Variants in NELL1 observed in about 807,000 individuals in gnomAD.
NELL1 encodes the protein neural EGFL like 1, also known as protein kinase C-binding protein NELL1.
A neutral mutation model predicts 107.4 loss-of-function variants in NELL1; 76 were observed. That is an observed-to-expected ratio of 0.71 (90% CI 0.59 to 0.86). The LOEUF (loss-of-function observed/expected upper bound fraction) is 0.86, where lower values mean the gene tolerates loss of function less well. Among genes scored for constraint, NELL1 ranks in the 40% least tolerant of loss-of-function variants. NELL1 has a pLI of 0.00. For synonymous variants in NELL1, 353 were observed against 341.2 expected (o/e 1.03, Z -0.38); for missense variants, 1,024 against 1,005.5 (o/e 1.02, Z -0.25).
chr11:21,401,266 A>G (rs1564876642), intron 15 of NELL1, among the ~76,000 whole-genome samples: 1 of 151,846 alleles, frequency 6.6e-6, no homozygotes, highest in Non-Finnish European at 1.5e-5. Context: ...AAAAATATAT[A>G]TCTTGGTGAT....
chr11:21,100,601 A>C (rs1215228371), intron 12 of NELL1, among the ~76,000 whole-genome samples: 1 of 152,206 alleles, frequency 6.6e-6, no homozygotes, highest in African/African-American at 2.4e-5. Flanking sequence ...ATTTGTAGAC[A>C]TATACTCCAA....
chr11:21,001,410 G>C (rs1460068166), intron 12 of NELL1, among the ~76,000 whole-genome samples: 1 of 151,366 alleles, frequency 6.6e-6, no homozygotes, highest in East Asian at 2.0e-4. Context: ...CCAGAGCTAG[G>C]GGAAGACCGT....
chr11:20,939,999 C>T (rs1242952765), intron 10 of NELL1, among the ~76,000 whole-genome samples: 2 of 152,122 alleles, frequency 1.3e-5, no homozygotes, highest in African/African-American at 2.4e-5. Context: ...CACTTGGGTT[C>T]GCACATGCAA....
chr11:20,912,201 A>G (rs1850148033), intron 5 of NELL1, among the ~76,000 whole-genome samples: 1 of 152,132 alleles, frequency 6.6e-6, no homozygotes, highest in Admixed American at 6.6e-5. Context: ...GGATAGTGCA[A>G]AAAAAAGTGC....
chr11:21,549,794 A>G (rs1856531676), intron 16 of NELL1, among the ~76,000 whole-genome samples: 1 of 151,824 alleles, frequency 6.6e-6, no homozygotes, highest in Non-Finnish European at 1.5e-5. Flanking sequence ...GGTGGACACT[A>G]AAGTGTTAAG....
chr11:20,952,938 G>T (rs1003664666), intron 11 of NELL1, among the ~76,000 whole-genome samples: 3 of 152,068 alleles, frequency 2.0e-5, no homozygotes, highest in African/African-American at 7.2e-5. Context: ...GGCCTGTCCT[G>T]ATGGCCCTAC....
At chr11:20,945,680 G>A (rs1850947920) in intron 10 of NELL1, among the ~76,000 whole-genome samples, 1 of 152,194 alleles carries the variant, frequency 6.6e-6, no homozygotes, top group Non-Finnish European at 1.5e-5. Context: ...TGATAGTAAG[G>A]TTACTAACTT....
intron 12 of NELL1, among the ~76,000 whole-genome samples, chr11:21,070,696 C>T (rs1853990740): frequency 6.6e-6 from 1 of 152,084 alleles, no homozygotes; most frequent in Non-Finnish European, 1.5e-5. Context: ...CCATTCAGCA[C>T]AGTATTATTT....
chr11:20,669,707 G>A lies in NELL1; in HGVS notation c.-17G>A, dbSNP rs368814601. On this transcript the variant is annotated 5_prime_UTR_variant, in exon 1 of 20. Transcript: ENST00000357134. The surrounding 1 kb of genome is among the most constrained non-coding windows in gnomAD (Gnocchi z 4.4). ...CTAGCTTCGGTGCCCCCTGCTAGGC[G>A]GGGACCCTCGAGAGCGATGCCGATG... 3.1e-6 allele frequency: 5 copies of A among 1,612,180 alleles called. No individual in the cohort carries two copies. Among genetic ancestry groups the A allele is most frequent in the African/African-American group, 2.7e-5 (2 of 74,986 alleles).
At chr11:21,547,798 A>G (rs1000552631) in intron 16 of NELL1, among the ~76,000 whole-genome samples, 3 of 151,902 alleles carry the variant, frequency 2.0e-5, no homozygotes, top group Non-Finnish European at 2.9e-5. Flanking sequence ...TGAACCTTCA[A>G]GTTTGGTATG....
chr11:21,336,586 G>C (rs1294006122), intron 14 of NELL1, among the ~76,000 whole-genome samples: 1 of 151,036 alleles, frequency 6.6e-6, no homozygotes, highest in East Asian at 2.0e-4. Flanking sequence ...GGCTACACTA[G>C]AATTCAGGTC....
chr11:21,323,226 G>T (rs1039810044), intron 14 of NELL1, among the ~76,000 whole-genome samples: 1 of 152,132 alleles, frequency 6.6e-6, no homozygotes, highest in African/African-American at 2.4e-5. Context: ...TTAAACTGAG[G>T]CTGAAAGCTC....
intron 2 of NELL1, among the ~76,000 whole-genome samples, chr11:20,769,931 C>G (rs972907920): frequency 6.6e-6 from 1 of 152,074 alleles, no homozygotes; most frequent in Non-Finnish European, 1.5e-5. Context: ...AGATGATACC[C>G]AAGTAGAAAA....
At chr11:21,108,660 G>A (rs1855028350) in intron 12 of NELL1, among the ~76,000 whole-genome samples, 1 of 152,078 alleles carries the variant, frequency 6.6e-6, no homozygotes, top group African/African-American at 2.4e-5. Flanking sequence ...ATAGTCTCAA[G>A]CGTTATGAGT....
intron 13 of NELL1, among the ~76,000 whole-genome samples, chr11:21,132,877 C>A (rs369173610): frequency 6.6e-6 from 1 of 152,134 alleles, no homozygotes; most frequent in Admixed American, 6.5e-5. Context: ...AATTTCTTGT[C>A]CCGCATCCAG....
At chr11:20,907,471 A>T (rs1317015302) in intron 5 of NELL1, among the ~76,000 whole-genome samples, 1 of 152,082 alleles carries the variant, frequency 6.6e-6, no homozygotes, top group East Asian at 1.9e-4. Flanking sequence ...ATGAAAAGAT[A>T]CTCAACATCT....
chr11:20,870,136 T>C (rs1315428442), intron 4 of NELL1, among the ~76,000 whole-genome samples: 1 of 152,130 alleles, frequency 6.6e-6, no homozygotes, highest in Non-Finnish European at 1.5e-5. Flanking sequence ...AATAGGTAAG[T>C]AGGGCAGGCA....
intron 15 of NELL1, among the ~76,000 whole-genome samples, chr11:21,416,580 C>T (rs1245934441): frequency 6.6e-6 from 1 of 152,096 alleles, no homozygotes; most frequent in East Asian, 1.9e-4. Flanking sequence ...TAAATAGATT[C>T]TCTATTTTCA....
At chr11:21,338,680 G>A (rs75969125) in intron 14 of NELL1, among the ~76,000 whole-genome samples, 2,581 of 140,164 alleles carry the variant, frequency 0.018, 43 homozygotes, top group Non-Finnish European at 0.028. Flanking sequence ...TGTCTTGCAC[G>A]GAGGAAACAA....
Sources: gnomAD v4.1 joint callset for allele counts (sites outside exome capture counted in the v4.1 genomes callset) on GRCh38, gnomAD v4.1.1 for gene constraint, Gnocchi (gnomAD v3.1) non-coding constraint, MANE v1.5 for transcripts, NCBI Gene and HGNC (gene_info 2026-07-23, HGNC 2026-07-21) for gene names.